The following TOX variants were observed in gnomAD, a reference collection of about 807,000 sequenced individuals.
The protein encoded by TOX is thymocyte selection associated high mobility group box.
TOX carries 11 observed loss-of-function variants against 53.7 expected under a neutral mutation model. The observed-to-expected ratio is 0.20, with a 90% CI of 0.13 to 0.34. TOX has a LOEUF of 0.34. Among genes scored for constraint, TOX ranks in the 10% least tolerant of loss-of-function variants. The pLI, the probability that TOX is intolerant of heterozygous loss-of-function variation, is 1.00. For synonymous variants in TOX, 225 were observed against 245.3 expected, an observed-to-expected ratio of 0.92 and a Z score of 0.77; for missense variants, 570 against 664.6, an observed-to-expected ratio of 0.86 and a Z score of 1.56.
At chr8:59,091,579 C>T (rs1804607098) in intron 1 of TOX, among the ~76,000 whole-genome samples, 1 of 152,054 alleles carries the variant, frequency 6.6e-6, no homozygotes, top group African/African-American at 2.4e-5. Flanking sequence ...AAAACTGTTA[C>T]CTCATCTGTA....
At chr8:58,837,252 G>A (rs183312619) in intron 5 of TOX, among the ~76,000 whole-genome samples, 135 of 152,248 alleles carry the variant, frequency 8.9e-4, no homozygotes, top group Middle Eastern at 6.8e-3. Flanking sequence ...GGCTAAAACT[G>A]CACCTACACA....
At chr8:58,967,144 G>T (rs1812919425) in intron 1 of TOX, among the ~76,000 whole-genome samples, 1 of 152,030 alleles carries the variant, frequency 6.6e-6, no homozygotes, top group African/African-American at 2.4e-5. Flanking sequence ...AAAGTGCTGG[G>T]ATTACAGGCG....
chr8:58,996,331 A>G (rs1260755448), intron 1 of TOX, among the ~76,000 whole-genome samples: 2 of 152,168 alleles, frequency 1.3e-5, no homozygotes, highest in African/African-American at 4.8e-5. Flanking sequence ...TCTAAGTCCA[A>G]TTTTAAGGGT....
intron 1 of TOX, among the ~76,000 whole-genome samples, chr8:59,053,100 C>T (rs1803822666): frequency 6.6e-6 from 1 of 152,060 alleles, no homozygotes; most frequent in Admixed American, 6.6e-5. Context: ...ATCATATATA[C>T]AATCAAACCA....
At chr8:59,080,839 T>A (rs1030926043) in intron 1 of TOX, among the ~76,000 whole-genome samples, 2 of 152,222 alleles carry the variant, frequency 1.3e-5, no homozygotes, top group Non-Finnish European at 2.9e-5. Flanking sequence ...CTGTACAGCC[T>A]GCAGAACTGG....
intron 3 of TOX, among the ~76,000 whole-genome samples, chr8:58,900,649 A>C (rs1455345044): frequency 2.0e-5 from 3 of 152,124 alleles, no homozygotes; most frequent in Non-Finnish European, 4.4e-5. Context: ...CCATCTATTC[A>C]TGTCATGTGA....
At chr8:58,837,989 C>T in intron 5 of TOX, 92 bp downstream of exon 5, 1 of 1,215,710 alleles carries the variant, frequency 8.2e-7, no homozygotes, top group South Asian at 1.4e-5. Flanking sequence ...GTTCTGGGAT[C>T]TAAAGAATTT....
intron 1 of TOX, among the ~76,000 whole-genome samples, chr8:58,984,381 A>T (rs1284761169): frequency 2.6e-5 from 4 of 152,224 alleles, no homozygotes; most frequent in Non-Finnish European, 4.4e-5. Flanking sequence ...TCCAAAGAAG[A>T]TGTGTAAATG....
intron 1 of TOX, among the ~76,000 whole-genome samples, chr8:58,999,175 T>A (rs1294030577): frequency 6.6e-6 from 1 of 152,218 alleles, no homozygotes; most frequent in Non-Finnish European, 1.5e-5. Context: ...ACAAAATATT[T>A]GTGCTTTTGA....
At chr8:59,083,206 G>C (rs1804442037) in intron 1 of TOX, among the ~76,000 whole-genome samples, 1 of 152,352 alleles carries the variant, frequency 6.6e-6, no homozygotes, top group East Asian at 1.9e-4. Context: ...AGAGAGTCCA[G>C]AAGAGGCTGC....
intron 1 of TOX, among the ~76,000 whole-genome samples, chr8:59,060,015 G>A (rs935460847): frequency 2.0e-5 from 3 of 151,914 alleles, no homozygotes; most frequent in Admixed American, 2.0e-4. Context: ...ATCAACCATA[G>A]TTCTTTTTTT....
chr8:59,003,478 T>A (rs1216478820), intron 1 of TOX, among the ~76,000 whole-genome samples: 1 of 152,180 alleles, frequency 6.6e-6, no homozygotes, highest in African/African-American at 2.4e-5. Flanking sequence ...CTACAGTTTT[T>A]ATGGAAGTTC....
intron 1 of TOX, among the ~76,000 whole-genome samples, chr8:59,082,316 G>T (rs1804424617): frequency 6.6e-6 from 1 of 152,242 alleles, no homozygotes. Flanking sequence ...CAATGGGTCA[G>T]TCTGGACATT....
chr8:58,992,428 A>T (rs1165444841), intron 1 of TOX, among the ~76,000 whole-genome samples: 1 of 152,144 alleles, frequency 6.6e-6, no homozygotes, highest in Admixed American at 6.5e-5. Flanking sequence ...TCCTATCCAG[A>T]TATTTCCAAA....
At chr8:58,816,032 G>A (rs1401322962) in intron 6 of TOX, among the ~76,000 whole-genome samples, 3 of 152,194 alleles carry the variant, frequency 2.0e-5, no homozygotes, top group African/African-American at 7.2e-5. Flanking sequence ...GAGGGTGGGG[G>A]ACGGGAGAAG....
intron 3 of TOX, among the ~76,000 whole-genome samples, chr8:58,875,200 A>G (rs1293883719): frequency 2.6e-5 from 4 of 152,200 alleles, no homozygotes; most frequent in Admixed American, 6.5e-5. Context: ...GAGGCCAACT[A>G]AGGAGATTTT....
rs367546486 is a variant in TOX, at chr8:59,118,963, G to A, written c.25C>T (p.Pro9Ser). MDVRFYPP[P>S]AQPAAAPDAP... ...TCGGGCGCAGCGGCGGGCTGGGCTG[G>A]AGGTGGATAAAATCTTACGTCCATT... The change falls in exon 1 of 9, where the codon CCA (proline) becomes TCA (serine). Residue 9 changes from proline (P) to serine (S), a missense_variant. Coordinates refer to ENST00000361421, the MANE Select transcript of TOX (RefSeq NM_014729.3). The surrounding 1 kb of genome is among the most constrained non-coding windows in gnomAD (Gnocchi z 4.1). The A allele has an allele frequency of 1.9e-6, 3 of 1,604,636 alleles. No homozygotes were observed. The highest frequency in any genetic ancestry group is 2.6e-6 in the Non-Finnish European group (3 of 1,175,122).
At chr8:58,947,560 C>T (rs909302894) in intron 2 of TOX, among the ~76,000 whole-genome samples, 4 of 151,932 alleles carry the variant, frequency 2.6e-5, no homozygotes, top group South Asian at 2.1e-4. Context: ...GTTCTTATGG[C>T]GATATGGTTA....
intron 5 of TOX, 103 bp from the exon 6 acceptor site, chr8:58,827,005 TTATATAA>T: frequency 3.4e-6 from 2 of 592,810 alleles, no homozygotes; most frequent in Non-Finnish European, 2.5e-6. Flanking sequence ...ACACTTATAG[TTATATAA>T]TATAATAATA....
Sources: gnomAD v4.1 joint callset for allele counts (sites outside exome capture counted in the v4.1 genomes callset) on GRCh38, gnomAD v4.1.1 for gene constraint, Gnocchi (gnomAD v3.1) non-coding constraint, MANE v1.5 for transcripts, NCBI Gene and HGNC (gene_info 2026-07-23, HGNC 2026-07-21) for gene names.